DAPK2: variants seen among roughly 807,000 people sequenced by gnomAD.
DAPK2 encodes death associated protein kinase 2.
DAPK2 carries 35 observed loss-of-function variants against 44.1 expected under a neutral mutation model. That is an observed-to-expected ratio of 0.79 (90% CI 0.61 to 1.05). The LOEUF (loss-of-function observed/expected upper bound fraction) is 1.05, where lower values mean the gene tolerates loss of function less well. Ranked by LOEUF, DAPK2 falls within the 50% of genes least tolerant of loss-of-function variation. The pLI is 0.00. For synonymous variants in DAPK2, 174 were observed against 182.6 expected (o/e 0.95, Z 0.38); for missense variants, 453 against 483.2 (o/e 0.94, Z 0.59).
At chr15:64,024,266 T>G (rs2079771944) in intron 1 of DAPK2, among the ~76,000 whole-genome samples, 2 of 152,170 alleles carry the variant, frequency 1.3e-5, no homozygotes, top group Non-Finnish European at 2.9e-5. Context: ...TGCCTGAGAC[T>G]TCAAGATCAC....
chr15:63,999,719 C>G (rs1212044148), intron 1 of DAPK2, among the ~76,000 whole-genome samples: 1 of 152,010 alleles, frequency 6.6e-6, no homozygotes, highest in Non-Finnish European at 1.5e-5. Flanking sequence ...GCCAGAGGCA[C>G]CATTTTTAAG....
chr15:63,971,806 T>A (rs1236281779), intron 2 of DAPK2, among the ~76,000 whole-genome samples: 1 of 152,244 alleles, frequency 6.6e-6, no homozygotes, highest in Non-Finnish European at 1.5e-5. Flanking sequence ...CAGAAGAGCC[T>A]CTGCTCCCAC....
intron 1 of DAPK2, among the ~76,000 whole-genome samples, chr15:64,037,006 C>T (rs1302318422): frequency 6.6e-6 from 1 of 152,212 alleles, no homozygotes; most frequent in East Asian, 1.9e-4. Flanking sequence ...CATTTCATCC[C>T]CACAACCATG....
Position 63,929,422 on chromosome 15 carries a change from G to A in DAPK2, c.659+129C>T, listed in dbSNP as rs975628374. On this transcript the variant is annotated intron_variant, in intron 6 of 10. Transcript: ENST00000261891. Reference sequence around the variant, plus strand: ...CAGCACTTAGCCTCAGGCTTGCTGTGTGGACTTAACACATCTGGATTATGG... The same window carrying A: ...CAGCACTTAGCCTCAGGCTTGCTGTATGGACTTAACACATCTGGATTATGG... The A allele has an allele frequency of 1.1e-5, 13 of 1,219,128 alleles. No homozygotes were observed. The African/African-American group carries it at 1.8e-4, about 17-fold the overall frequency. The allele number at this position is 1,219,128 out of a possible 1,614,324, so 75.5% of individuals were successfully genotyped here.
At chr15:63,996,423 C>G (rs570937644) in intron 1 of DAPK2, among the ~76,000 whole-genome samples, 78 of 152,284 alleles carry the variant, frequency 5.1e-4, no homozygotes, top group African/African-American at 1.7e-3. Flanking sequence ...AGCCTGACAA[C>G]AGAGCAAGAC....
Position 64,033,872 on chromosome 15 carries a change from G to A in DAPK2, c.92+6298C>T, listed in dbSNP as rs987894351. Among the ~76,000 whole-genome samples, 6 of 150,788 alleles carry A rather than the reference G, an allele frequency of 4.0e-5. No homozygotes were observed. In the South Asian group the frequency reaches 6.3e-4, roughly 16 times the overall value. ...AGAGCTTGCAGTGAGCCGAGATGGC[G>A]CCACTGCACTCCAGCCTGGGCGACA... is the stretch of plus-strand genomic sequence containing the variant. On this transcript the variant is annotated intron_variant, in intron 1 of 10. Coordinates refer to ENST00000261891, the Ensembl canonical transcript of DAPK2.
intron 1 of DAPK2, among the ~76,000 whole-genome samples, chr15:64,000,998 G>C (rs916035901): frequency 2.6e-5 from 4 of 151,996 alleles, no homozygotes; most frequent in Admixed American, 2.6e-4. Context: ...TCCTGCCTCA[G>C]CCTCCCAAGT....
intron 2 of DAPK2, among the ~76,000 whole-genome samples, chr15:63,981,525 G>C (rs987782433): frequency 3.3e-5 from 5 of 152,162 alleles, no homozygotes; most frequent in African/African-American, 1.2e-4. Flanking sequence ...GAAAAAAGTA[G>C]AGCAGGAAAT....
At chr15:63,933,921 T>C (rs952716928) in intron 4 of DAPK2, among the ~76,000 whole-genome samples, 3 of 152,112 alleles carry the variant, frequency 2.0e-5, no homozygotes, top group Non-Finnish European at 4.4e-5. Context: ...GCTTTCATCA[T>C]AGATTGAGAA....
At chr15:63,915,296 C>A (rs1167288847) in intron 8 of DAPK2, among the ~76,000 whole-genome samples, 1 of 152,186 alleles carries the variant, frequency 6.6e-6, no homozygotes, top group Non-Finnish European at 1.5e-5. Context: ...CTCCCTTGCA[C>A]CTCCAAGCTC....
At chr15:63,929,881 T>C in intron 5 of DAPK2, 2 of 548,142 alleles carry the variant, frequency 3.6e-6, no homozygotes, top group Non-Finnish European at 7.0e-6. Flanking sequence ...CCTTGTAAAA[T>C]GAGGATAATG....
chr15:64,008,689 T>C (rs1018684261), intron 1 of DAPK2, among the ~76,000 whole-genome samples: 2 of 152,222 alleles, frequency 1.3e-5, no homozygotes, highest in Non-Finnish European at 2.9e-5. Context: ...TATGTATGGT[T>C]TGATTCAATT....
In DAPK2 at chr15:63,926,101, C is replaced by G. The variant is rs200490899; in HGVS notation, c.660-8G>C. The G allele has an allele frequency of 1.4e-5, 22 of 1,593,898 alleles. No homozygotes were observed. The highest frequency in any genetic ancestry group is 1.9e-5 in the Non-Finnish European group (22 of 1,169,852). On this transcript the variant is annotated splice_region_variant and splice_polypyrimidine_tract_variant and intron_variant, in intron 6 of 10. Coordinates refer to ENST00000261891, the Ensembl canonical transcript of DAPK2. The stretch of plus-strand genomic sequence containing the variant: ...GGGGATGCTCCACTTAAGCTGAGTA[C>G]GACAGACAGGGAATCAAATAACTAA...
At chr15:63,972,124 C>A (rs1443301942) in intron 2 of DAPK2, among the ~76,000 whole-genome samples, 1 of 152,168 alleles carries the variant, frequency 6.6e-6, no homozygotes, top group African/African-American at 2.4e-5. Context: ...GGAAGTGAAC[C>A]TTCATCTTGA....
At chr15:64,040,190 G>T (rs764926615) in exon 1 of DAPK2, 25 of 1,613,758 alleles carry the variant, frequency 1.5e-5, no homozygotes, top group Non-Finnish European at 1.9e-5. Flanking sequence ...CCTCTCCGAT[G>T]TCATAAAAGT....
At chr15:63,991,996 T>C (rs2078833311) in intron 1 of DAPK2, among the ~76,000 whole-genome samples, 1 of 152,210 alleles carries the variant, frequency 6.6e-6, no homozygotes, top group Non-Finnish European at 1.5e-5. Context: ...CAGACTAACT[T>C]CCTTCCTCTA....
chr15:64,043,111 T>C (rs973418232), upstream of DAPK2, among the ~76,000 whole-genome samples: 1 of 152,180 alleles, frequency 6.6e-6, no homozygotes, highest in African/African-American at 2.4e-5. Flanking sequence ...AACTTTTGAG[T>C]TTCACATTCC....
At chr15:63,944,895 T>C (rs1356138721) in intron 3 of DAPK2, among the ~76,000 whole-genome samples, 1 of 152,126 alleles carries the variant, frequency 6.6e-6, no homozygotes, top group Non-Finnish European at 1.5e-5. Context: ...CTGCTCTATA[T>C]CCCCGCAGGG....
intron 4 of DAPK2, among the ~76,000 whole-genome samples, chr15:63,932,162 G>A (rs62023138): frequency 1.8e-5 from 1 of 54,112 alleles, no homozygotes; most frequent in East Asian, 3.2e-3. Flanking sequence ...GTGAGACCCT[G>A]TTTAAAAAAA....
Sources: gnomAD v4.1 joint callset for allele counts (sites outside exome capture counted in the v4.1 genomes callset) on GRCh38, gnomAD v4.1.1 for gene constraint, MANE v1.5 for transcripts, NCBI Gene and HGNC (gene_info 2026-07-23, HGNC 2026-07-21) for gene names.